Variants in NECTIN2 observed in about 807,000 individuals in gnomAD.
The protein encoded by NECTIN2 is nectin-2.
NECTIN2 carries 23 observed loss-of-function variants against 56.9 expected under a neutral mutation model. The ratio of observed to expected loss-of-function variants is 0.40; its 90% CI spans 0.29 to 0.57. NECTIN2 has a LOEUF of 0.57. Ranked by LOEUF, NECTIN2 falls within the 20% of genes least tolerant of loss-of-function variation. The probability of loss-of-function intolerance (pLI) is 0.38; values close to 1 mark genes in which losing one functional copy is unlikely to be tolerated. For synonymous variants in NECTIN2, 302 were observed against 313.8 expected (o/e 0.96, Z 0.40); for missense variants, 587 against 718.3 (o/e 0.82, Z 2.09).
chr19:44,882,578 T>G (rs1969319466), intron 6 of NECTIN2, among the ~76,000 whole-genome samples: 1 of 149,612 alleles, frequency 6.7e-6, no homozygotes, highest in Admixed American at 6.8e-5. Context: ...CCAGGCACAG[T>G]GGCTTACACC....
chr19:44,886,246 G>A (rs551360253), intron 8 of NECTIN2, 27 bp downstream of exon 8: 1 of 1,582,860 alleles, frequency 6.3e-7, no homozygotes, highest in African/African-American at 1.3e-5. Context: ...AGACAAAGGT[G>A]GGTTGGGGGT....
intron 5 of NECTIN2, 68 bp from the exon 6 acceptor site, chr19:44,882,143 T>A: frequency 7.6e-7 from 1 of 1,314,764 alleles, no homozygotes; most frequent in South Asian, 2.2e-5. Flanking sequence ...TGGGGTGGGA[T>A]GGTCGCTTGG....
intron 1 of NECTIN2, among the ~76,000 whole-genome samples, chr19:44,850,314 ATAAGAGACGC>A (rs2122624951): frequency 6.6e-6 from 1 of 152,270 alleles, no homozygotes; most frequent in Non-Finnish European, 1.5e-5. Context: ...GAAGACACAG[ATAAGAGACGC>A]TAAGAGACAG....
chr19:44,879,070 G>T (rs1969278310), intron 5 of NECTIN2: 1 of 319,238 alleles, frequency 3.1e-6, no homozygotes, highest in Non-Finnish European at 4.6e-6. Flanking sequence ...CCTGGCAGGG[G>T]TTAGACTGGG....
At chr19:44,872,218 A>T in intron 3 of NECTIN2, 69 bp downstream of exon 3, 2 of 1,533,710 alleles carry the variant, frequency 1.3e-6, no homozygotes, top group Non-Finnish European at 1.8e-6. Context: ...AGCACTGTCT[A>T]CATTGTCTCT....
Position 44,888,683 on chromosome 19 carries a change from C to A in NECTIN2, c.*304C>A, listed in dbSNP as rs558568736. The stretch of plus-strand genomic sequence containing the variant: ...TGACCTTAGACCATACCTCTCACCC[C>A]CCAATGCCTCGACTCCCCCAAAATC... On this transcript the variant is annotated 3_prime_UTR_variant, in exon 9 of 9. Coordinates refer to ENST00000252483, the MANE Select transcript of NECTIN2 (RefSeq NM_001042724.2). 7 of 385,492 alleles carry A rather than the reference C, an allele frequency of 1.8e-5. No individual in the cohort carries two copies. In the Admixed American group the frequency reaches 2.3e-4, roughly 13 times the overall value. 23.9% of individuals were successfully genotyped at this position (385,492 alleles called of 1,614,324 possible).
chr19:44,882,628 G>A (rs1446295322), intron 6 of NECTIN2, among the ~76,000 whole-genome samples: 12 of 141,150 alleles, frequency 8.5e-5, no homozygotes, highest in Non-Finnish European at 1.4e-4. Context: ...TGGGGAGATC[G>A]ATCGTTTGAG....
chr19:44,887,026 A>AG (rs1451986601), intron 8 of NECTIN2, among the ~76,000 whole-genome samples: 1 of 151,884 alleles, frequency 6.6e-6, no homozygotes, highest in Non-Finnish European at 1.5e-5. Context: ...AAAAAAAAAA[A>AG]AAAAGAGGAA....
At chr19:44,862,124 A>T (rs1277822294) in intron 1 of NECTIN2, among the ~76,000 whole-genome samples, 1 of 152,268 alleles carries the variant, frequency 6.6e-6, no homozygotes, top group Non-Finnish European at 1.5e-5. Context: ...CTGGATAAAG[A>T]AAATGTACAG....
chr19:44,863,019 GGGCATGGT>G (rs1568590604), intron 1 of NECTIN2, among the ~76,000 whole-genome samples: 13 of 144,580 alleles, frequency 9.0e-5, no homozygotes, highest in Non-Finnish European at 1.8e-4. Flanking sequence ...AAAATTAGCC[GGGCATGGT>G]AGTGTGCGCC....
intron 1 of NECTIN2, among the ~76,000 whole-genome samples, chr19:44,852,286 A>T (rs1361515566): frequency 6.6e-6 from 1 of 151,896 alleles, no homozygotes; most frequent in African/African-American, 2.4e-5. Flanking sequence ...AGTAGTGGGG[A>T]TTACAGGCAG....
At chr19:44,860,147 C>G (rs1969015245) in intron 1 of NECTIN2, among the ~76,000 whole-genome samples, 1 of 152,178 alleles carries the variant, frequency 6.6e-6, no homozygotes. Context: ...AGAACAGGCA[C>G]ATCAACAGAG....
chr19:44,881,243 G>A (rs984185674), intron 5 of NECTIN2, among the ~76,000 whole-genome samples: 6 of 152,022 alleles, frequency 3.9e-5, no homozygotes, highest in African/African-American at 1.5e-4. Context: ...GGAGATTCTA[G>A]TCCCCAGAGG....
At chr19:44,864,785 G>A (rs567847453) in intron 1 of NECTIN2, among the ~76,000 whole-genome samples, 178 of 151,812 alleles carry the variant, frequency 1.2e-3, no homozygotes, top group South Asian at 2.1e-3. Flanking sequence ...CCGAGATCGC[G>A]CCACTGCACT....
intron 1 of NECTIN2, among the ~76,000 whole-genome samples, chr19:44,854,954 T>C (rs1343668402): frequency 6.7e-6 from 1 of 148,752 alleles, no homozygotes; most frequent in Non-Finnish European, 1.5e-5. Flanking sequence ...TGAAACCCCA[T>C]CTCTACTAAA....
chr19:44,867,927 G>A (rs539972014), intron 2 of NECTIN2, among the ~76,000 whole-genome samples: 4 of 152,236 alleles, frequency 2.6e-5, no homozygotes, highest in Admixed American at 1.3e-4. Flanking sequence ...GAAGGGAGCT[G>A]GGACGAGAGG....
Position 44,874,314 on chromosome 19 carries a change from C to T in NECTIN2, c.894-16C>T. The T allele has an allele frequency of 6.2e-7, 1 of 1,613,322 alleles. No individual in the cohort carries two copies. The highest frequency in any genetic ancestry group is 8.5e-7 in the Non-Finnish European group (1 of 1,179,292). On this transcript the variant is annotated splice_polypyrimidine_tract_variant and intron_variant, in intron 4 of 8. Transcript: ENST00000252483. The surrounding 1 kb of genome is among the most constrained non-coding windows in gnomAD (Gnocchi z 6.3). ...CGACCTTGGTATCCCTCTCACCTGA[C>T]CCCACACCCCTCCAGGACCTCAGGC...
chr19:44,847,436 G>A (rs1394983378), intron 1 of NECTIN2, among the ~76,000 whole-genome samples: 1 of 152,170 alleles, frequency 6.6e-6, no homozygotes, highest in Non-Finnish European at 1.5e-5. Flanking sequence ...CCGGGGGACA[G>A]GAGACTCGAT....
At chr19:44,848,732 A>C (rs1353767534) in intron 1 of NECTIN2, among the ~76,000 whole-genome samples, 4 of 125,704 alleles carry the variant, frequency 3.2e-5, no homozygotes, top group South Asian at 2.4e-4. Context: ...CCCCCTCTTC[A>C]TCTCTCTTCG....
Sources: gnomAD v4.1 joint callset for allele counts (sites outside exome capture counted in the v4.1 genomes callset) on GRCh38, gnomAD v4.1.1 for gene constraint, Gnocchi (gnomAD v3.1) non-coding constraint, MANE v1.5 for transcripts, NCBI Gene and HGNC (gene_info 2026-07-23, HGNC 2026-07-21) for gene names.